The following ST7L variants were observed in gnomAD, a reference collection of about 807,000 sequenced individuals.
The protein encoded by ST7L is suppressor of tumorigenicity 7 protein-like.
A neutral mutation model predicts 72.5 loss-of-function variants in ST7L; 57 were observed. The ratio of observed to expected loss-of-function variants is 0.79; its 90% CI spans 0.64 to 0.98. ST7L has a LOEUF of 0.98. ST7L is among the 50% of genes least tolerant of loss of function. The probability of loss-of-function intolerance (pLI) is 0.00; values close to 1 mark genes in which losing one functional copy is unlikely to be tolerated. For missense variants in ST7L, 576 were observed against 672.2 expected, an observed-to-expected ratio of 0.86 and a Z score of 1.58; for synonymous variants, 221 against 240.9, an observed-to-expected ratio of 0.92 and a Z score of 0.77.
chr1:112,573,348 C>CAAAAAAAAAAA (rs35107656), intron 11 of ST7L, among the ~76,000 whole-genome samples: 1 of 69,678 alleles, frequency 1.4e-5, no homozygotes, highest in East Asian at 3.8e-4. Flanking sequence ...AACTCCCTCT[C>CAAAAAAAAAAA]AAAAAAAAAA....
At chr1:112,605,276 A>C (rs7552693) in intron 3 of ST7L, among the ~76,000 whole-genome samples, 45,065 of 147,780 alleles carry the variant, frequency 0.3, 7,362 homozygotes, top group African/African-American at 0.44. Flanking sequence ...GCCCGTAATA[A>C]CAGCTACTCG....
intron 6 of ST7L, among the ~76,000 whole-genome samples, chr1:112,585,603 G>C (rs1322185743): frequency 6.6e-6 from 1 of 151,738 alleles, no homozygotes; most frequent in Non-Finnish European, 1.5e-5. Context: ...CGCAGTGGCG[G>C]GTGCCTGTAG....
At chr1:112,520,194 T>A, downstream of ST7L, 1 of 1,366,824 alleles carries the variant, frequency 7.3e-7, no homozygotes, top group Non-Finnish European at 1.0e-6. Context: ...CGATTCTTTT[T>A]ATCTTCCTTC....
chr1:112,554,800 C>A (rs1658815658), intron 12 of ST7L, among the ~76,000 whole-genome samples: 1 of 152,012 alleles, frequency 6.6e-6, no homozygotes, highest in East Asian at 1.9e-4. Flanking sequence ...ATTATTCAGG[C>A]TTAAAAATGA....
intron 14 of ST7L, among the ~76,000 whole-genome samples, chr1:112,532,665 T>G (rs1163277584): frequency 6.6e-6 from 1 of 152,242 alleles, no homozygotes; most frequent in African/African-American, 2.4e-5. Context: ...ATCTGCATTC[T>G]CTGAATATCC....
intron 3 of ST7L, among the ~76,000 whole-genome samples, chr1:112,603,212 G>GT (rs1163591214): frequency 6.6e-6 from 1 of 152,096 alleles, no homozygotes; most frequent in Non-Finnish European, 1.5e-5. Flanking sequence ...TAACAAGTGA[G>GT]TTTTTTCGTA....
chr1:112,567,645 T>A (rs918414161), intron 11 of ST7L, among the ~76,000 whole-genome samples: 1 of 152,134 alleles, frequency 6.6e-6, no homozygotes, highest in African/African-American at 2.4e-5. Flanking sequence ...GTGAAAAAAA[T>A]TCATGATTCC....
At chr1:112,566,006 G>C (rs1016989901) in intron 11 of ST7L, among the ~76,000 whole-genome samples, 12 of 142,958 alleles carry the variant, frequency 8.4e-5, no homozygotes, top group Non-Finnish European at 1.9e-4. Context: ...ACAAAACTCT[G>C]TCTCAAGAAA....
In ST7L at chr1:112,558,440, T is replaced by C. The variant is rs3762336; in HGVS notation, c.1246-2422A>G. Among the ~76,000 whole-genome samples, 7 of 152,348 alleles carry C rather than the reference T, an allele frequency of 4.6e-5. No individual in the cohort carries two copies. In the East Asian group the frequency reaches 1.3e-3, roughly 29 times the overall value. ...TTTAAGCCTTACTTTATTTAATCAA[T>C]ATACATGTACTCCTCATATTATATC... is the stretch of plus-strand genomic sequence containing the variant. On this transcript the variant is annotated intron_variant, in intron 11 of 14. Coordinates refer to ENST00000358039, the MANE Select transcript of ST7L (RefSeq NM_017744.5).
At position 112,600,766 on chromosome 1, in the gene ST7L, T is replaced by C. The variant is rs539485684; in HGVS notation, c.506+28A>G. On this transcript the variant is annotated intron_variant, in intron 4 of 14. Coordinates refer to ENST00000358039, the MANE Select transcript of ST7L (RefSeq NM_017744.5). ...TACCTTTACTCTAAAACCAATGCCC[T>C]ACTTATACTGAAAGCAAAATGTAAT... 7.5e-4 allele frequency: 1,191 copies of C among 1,595,486 alleles called. 17 individuals carry two copies. In the South Asian group the frequency reaches 1.0e-2, roughly 13 times the overall value.
chr1:112,571,364 A>G (rs1282176049), intron 11 of ST7L: 2 of 456,008 alleles, frequency 4.4e-6, no homozygotes, highest in Non-Finnish European at 8.8e-6. Context: ...ATAAATAAAA[A>G]TGACATTAAA....
chr1:112,572,659 T>C (rs2101781082), intron 11 of ST7L, among the ~76,000 whole-genome samples: 1 of 151,958 alleles, frequency 6.6e-6, no homozygotes, highest in Non-Finnish European at 1.5e-5. Context: ...GGAGGATGCT[T>C]GAGGCCAGGA....
chr1:112,552,624 G>A (rs1010953084), intron 12 of ST7L, among the ~76,000 whole-genome samples: 1 of 151,916 alleles, frequency 6.6e-6, no homozygotes, highest in Non-Finnish European at 1.5e-5. Flanking sequence ...GGCTGGTTTC[G>A]AACTCCCAAC....
intron 14 of ST7L, chr1:112,540,068 G>A: frequency 2.0e-6 from 2 of 985,348 alleles, no homozygotes; most frequent in Non-Finnish European, 1.2e-6. Flanking sequence ...TAATCGTAAA[G>A]ATTCTTCTGG....
intron 3 of ST7L, among the ~76,000 whole-genome samples, chr1:112,608,030 T>C (rs867113545): frequency 5.1e-4 from 78 of 152,234 alleles, no homozygotes; most frequent in African/African-American, 1.7e-3. Flanking sequence ...AATTTTTTTT[T>C]CCCCCTTGGA....
chr1:112,553,644 G>A (rs1658622156), intron 12 of ST7L, among the ~76,000 whole-genome samples: 1 of 152,120 alleles, frequency 6.6e-6, no homozygotes, highest in South Asian at 2.1e-4. Context: ...GAGCCTATTA[G>A]ACACTGTACA....
At chr1:112,581,957 A>C (rs1664190807) in intron 9 of ST7L, 35 bp downstream of exon 9, 2 of 1,304,692 alleles carry the variant, frequency 1.5e-6, no homozygotes, top group African/African-American at 2.9e-5. Flanking sequence ...TTGGAAAAGA[A>C]TAACCATGCT....
chr1:112,619,104 G>A lies in ST7L; in HGVS notation c.10C>T (p.Arg4Cys). 13 of 1,613,468 alleles carry A rather than the reference G, an allele frequency of 8.1e-6. No homozygotes were observed. Among genetic ancestry groups the A allele is most frequent in the South Asian group, 2.2e-5 (2 of 91,036 alleles). The change falls in exon 1 of 15, where the codon CGT becomes TGT. Residue 4 changes from arginine to cysteine, a missense_variant. By Grantham distance (180) the Arg-to-Cys change is radical. Transcript: ENST00000358039. ...GCTGCGGCTTCACCCACGCCGCCAC[G>A]GTCCGCCATCTTGCCGCTATCGCAG... MAD[R>C]GGVGEAAAVG... is the part of the protein sequence containing the mutation.
In ST7L at chr1:112,555,870, C is replaced by T. The variant is rs754583730; in HGVS notation, c.1394G>A (p.Gly465Asp). ...TACTTTTGGAAAAGAATACTTACTG[C>T]CTTCCCATGTACACTGTAACAGATT... ...ALNLLQCTWE[G>D]TFRMIPYPLE... The change falls in exon 12 of 15, where the codon GGC becomes GAC. Residue 465 changes from glycine (G) to aspartate (D), a missense_variant and splice_region_variant. Physicochemically the swap from Gly to Asp is moderately conservative, Grantham distance 94 (BLOSUM62 -1). Coordinates refer to ENST00000358039, the MANE Select transcript of ST7L (RefSeq NM_017744.5). 4 of 1,519,342 alleles carry T rather than the reference C, an allele frequency of 2.6e-6. No homozygotes were observed. Among genetic ancestry groups the T allele is most frequent in the East Asian group, 2.3e-5 (1 of 42,714 alleles). 94.1% of individuals were successfully genotyped at this position (1,519,342 alleles called of 1,614,324 possible).
Sources: allele counts gnomAD v4.1 joint callset (sites outside exome capture counted in the v4.1 genomes callset), GRCh38; gene constraint gnomAD v4.1.1; transcripts MANE v1.5; gene names NCBI Gene and HGNC (gene_info 2026-07-23, HGNC 2026-07-21).